The following ACTR3C variants were observed in gnomAD, a reference collection of about 807,000 sequenced individuals.
ACTR3C encodes the protein actin related protein 3C, also known as actin-related protein 3C.
Under a neutral mutation model 26.3 loss-of-function variants are expected in ACTR3C, and 18 were observed. The ratio of observed to expected loss-of-function variants is 0.68; its 90% CI spans 0.47 to 1.01. The LOEUF (loss-of-function observed/expected upper bound fraction) is 1.01. Among genes scored for constraint, ACTR3C ranks in the 50% least tolerant of loss-of-function variants. The pLI is 0.00. For synonymous variants in ACTR3C, 55 were observed against 94.5 expected (o/e 0.58, Z 2.42); for missense variants, 184 against 250.7 (o/e 0.73, Z 1.80).
At chr7:149,994,979 C>T in the ACTR3C span, among the ~76,000 whole-genome samples, 7 of 151,466 alleles carry the variant, frequency 4.6e-5, no homozygotes, top group African/African-American at 1.5e-4. Context: ...CTCAGCCTCC[C>T]GAGTAGCTGG....
At chr7:150,176,025 T>C in the ACTR3C span, among the ~76,000 whole-genome samples, 2 of 150,552 alleles carry the variant, frequency 1.3e-5, no homozygotes, top group Middle Eastern at 3.2e-3. Flanking sequence ...ACGAATAACA[T>C]AATATAGACG....
the ACTR3C span, among the ~76,000 whole-genome samples, chr7:149,951,808 T>C: frequency 1.6e-4 from 24 of 149,988 alleles, no homozygotes; most frequent in South Asian, 4.8e-3. Context: ...AACTGGCAGA[T>C]GGTGTGTAGG....
At chr7:150,123,233 TA>T in the ACTR3C span, among the ~76,000 whole-genome samples, 1 of 150,450 alleles carries the variant, frequency 6.6e-6, no homozygotes, top group Admixed American at 6.6e-5. Context: ...TAAAGTATAA[TA>T]AAAAAAGGTA....
At chr7:150,296,354 C>A (rs185628599) in intron 1 of ACTR3C, among the ~76,000 whole-genome samples, 4,993 of 144,454 alleles carry the variant, frequency 0.035, 305 homozygotes, top group African/African-American at 0.13. Flanking sequence ...CTCCAAAAGA[C>A]CGAAAAAAAA....
the ACTR3C span, chr7:149,891,200 A>G: frequency 1.0e-6 from 1 of 988,262 alleles, no homozygotes; most frequent in Non-Finnish European, 1.5e-6. Flanking sequence ...CCATTAAAAA[A>G]TAATGGTCCT....
At chr7:150,295,507 C>T (rs1276985344) in intron 1 of ACTR3C, among the ~76,000 whole-genome samples, 160 bp from the exon 2 acceptor site, 31 of 152,414 alleles carry the variant, frequency 2.0e-4, no homozygotes, top group African/African-American at 7.0e-4. Context: ...GAAATCTGGC[C>T]GTGGGCCTTA....
the ACTR3C span, among the ~76,000 whole-genome samples, chr7:150,006,854 A>C: frequency 1.8e-4 from 27 of 152,254 alleles, no homozygotes; most frequent in African/African-American, 6.3e-4. Flanking sequence ...ATGGGAATAC[A>C]AACCTTAGAT....
chr7:149,996,130 T>C, the ACTR3C span, among the ~76,000 whole-genome samples: 1 of 152,220 alleles, frequency 6.6e-6, no homozygotes, highest in Non-Finnish European at 1.5e-5. Flanking sequence ...CAAACCATTC[T>C]AGGGGACGTG....
At chr7:150,034,012 C>T in the ACTR3C span, among the ~76,000 whole-genome samples, 11 of 151,362 alleles carry the variant, frequency 7.3e-5, no homozygotes, top group East Asian at 2.0e-4. Context: ...TGCCCCCCTG[C>T]GATGGTGGTC....
At chr7:150,078,114 C>A in the ACTR3C span, among the ~76,000 whole-genome samples, 3 of 152,222 alleles carry the variant, frequency 2.0e-5, no homozygotes, top group Non-Finnish European at 4.4e-5. Flanking sequence ...TTAGGCATTG[C>A]CTAGAACTCT....
the ACTR3C span, among the ~76,000 whole-genome samples, chr7:150,205,499 C>T: frequency 1.3e-5 from 2 of 152,198 alleles, no homozygotes; most frequent in African/African-American, 4.8e-5. Context: ...ATAAACTACG[C>T]AACTCCAATT....
chr7:149,946,433 C>T, the ACTR3C span, among the ~76,000 whole-genome samples: 1 of 152,206 alleles, frequency 6.6e-6, no homozygotes, highest in African/African-American at 2.4e-5. Flanking sequence ...CCCTTTTGCT[C>T]TGTTTTTCAG....
chr7:150,044,131 C>T, the ACTR3C span, among the ~76,000 whole-genome samples: 1 of 151,994 alleles, frequency 6.6e-6, no homozygotes, highest in African/African-American at 2.4e-5. Flanking sequence ...CACTGTATAA[C>T]CTTAAAAAAA....
the ACTR3C span, among the ~76,000 whole-genome samples, chr7:150,106,848 G>T: frequency 6.8e-6 from 1 of 146,298 alleles, no homozygotes; most frequent in Non-Finnish European, 1.5e-5. Flanking sequence ...GAGATGTACT[G>T]GGTGGCTGGG....
the ACTR3C span, among the ~76,000 whole-genome samples, chr7:150,223,954 G>A: frequency 6.6e-6 from 1 of 152,164 alleles, no homozygotes; most frequent in Non-Finnish European, 1.5e-5. Flanking sequence ...TTCCTCAAAG[G>A]CCTCTAGAGA....
At chr7:150,161,202 T>TTATATATATATATATATATATATATC in the ACTR3C span, among the ~76,000 whole-genome samples, 1 of 103,006 alleles carries the variant, frequency 9.7e-6, no homozygotes, top group Non-Finnish European at 1.9e-5. Context: ...AGGAAAGTAT[T>TTATATATATATATATATATATATATC]TATATATATA....
chr7:150,237,580 C>G, the ACTR3C span, among the ~76,000 whole-genome samples: 6 of 152,218 alleles, frequency 3.9e-5, no homozygotes, highest in East Asian at 1.2e-3. Flanking sequence ...AGGGTGGTCA[C>G]GGTAACGCCC....
chr7:150,188,859 G>GT, the ACTR3C span, among the ~76,000 whole-genome samples: 1 of 150,706 alleles, frequency 6.6e-6, no homozygotes, highest in Non-Finnish European at 1.5e-5. Flanking sequence ...TTGTTGTGGG[G>GT]TGTCATTGTT....
chr7:150,004,920 G>T, the ACTR3C span: 1 of 152,234 alleles, frequency 6.6e-6, no homozygotes, highest in Non-Finnish European at 1.5e-5. Context: ...GGAGGCCTGG[G>T]TGGATCCCAG....
Sources: allele counts gnomAD v4.1 joint callset (sites outside exome capture counted in the v4.1 genomes callset), GRCh38; gene constraint gnomAD v4.1.1; transcripts MANE v1.5; gene names NCBI Gene and HGNC (gene_info 2026-07-23, HGNC 2026-07-21).